Variants in RPL5 observed in about 807,000 individuals in gnomAD.
The protein encoded by RPL5 is ribosomal protein L5, also known as large ribosomal subunit protein uL18.
A neutral mutation model predicts 38.4 loss-of-function variants in RPL5; 1 was observed. The observed-to-expected ratio is 0.03, with a 90% CI of 0.01 to 0.12. The LOEUF is 0.12. Ranked by LOEUF, RPL5 falls within the 10% of genes least tolerant of loss-of-function variation. The pLI is 1.00. For synonymous variants in RPL5, 109 were observed against 121.2 expected (o/e 0.90, Z 0.66); for missense variants, 243 against 374.1 (o/e 0.65, Z 2.89).
In RPL5 at chr1:92,836,373, G is replaced by A; in HGVS notation, c.508G>A (p.Gly170Ser). ...FGALKGAVDGGLSIPHSTKRF... is the reference protein window; with the variant it reads ...FGALKGAVDGSLSIPHSTKRF... ...TGCCCTGAAGGGAGCTGTGGATGGAGGCTTGTCTATCCCTCACAGGTAAGA... is the reference window on the plus strand; with the variant it reads ...TGCCCTGAAGGGAGCTGTGGATGGAAGCTTGTCTATCCCTCACAGGTAAGA... The change falls in exon 5 of 8, where the codon GGC (glycine) becomes AGC (serine). Residue 170 changes from glycine to serine, a missense_variant. Coordinates refer to ENST00000370321, the MANE Select transcript of RPL5 (RefSeq NM_000969.5). 1.2e-6 allele frequency: 2 copies of A among 1,614,068 alleles called. No individual in the cohort carries two copies. The highest frequency in any genetic ancestry group is 1.7e-6 in the Non-Finnish European group (2 of 1,179,924).
intron 1 of RPL5, among the ~76,000 whole-genome samples, chr1:92,832,423 C>T (rs1384109186): frequency 6.6e-6 from 1 of 152,168 alleles, no homozygotes; most frequent in East Asian, 1.9e-4. Flanking sequence ...CGCTGGCAAG[C>T]GGCCGGGCGT....
At chr1:92,839,738 T>G (rs900417145) in intron 6 of RPL5, among the ~76,000 whole-genome samples, 3 of 152,228 alleles carry the variant, frequency 2.0e-5, no homozygotes, top group Non-Finnish European at 4.4e-5. Context: ...GTATTTAAAA[T>G]GAGAAGCGCA....
chr1:92,833,016 A>C, intron 1 of RPL5: 1 of 741,848 alleles, frequency 1.3e-6, no homozygotes, highest in South Asian at 1.4e-5. Flanking sequence ...AAAGTTTGGC[A>C]CAATTACCGG....
intron 3 of RPL5, among the ~76,000 whole-genome samples, chr1:92,834,406 G>T (rs1285754059): frequency 6.6e-6 from 1 of 152,166 alleles, no homozygotes; most frequent in East Asian, 1.9e-4. Flanking sequence ...TTTACAACTA[G>T]GAGAAATTCT....
chr1:92,840,245 AAG>A (rs1305252192), intron 6 of RPL5: 22 of 350,414 alleles, frequency 6.3e-5, no homozygotes, highest in African/African-American at 4.7e-4. Context: ...TCCTGGGCTG[AAG>A]TGATCCTCCC....
chr1:92,832,685 G>C (rs749256883), intron 1 of RPL5: 3 of 363,578 alleles, frequency 8.3e-6, no homozygotes, highest in African/African-American at 6.2e-5. Context: ...CTTTAACATG[G>C]AATACGTGCC....
chr1:92,837,599 C>G lies in RPL5; in HGVS notation c.671C>G (p.Ser224Cys). 6.2e-7 allele frequency: 1 copy of G among 1,612,112 alleles called. No homozygotes were observed. The highest frequency in any genetic ancestry group is 8.5e-7 in the Non-Finnish European group (1 of 1,179,744). Residue 224 changes from serine (S) to cysteine (C), a missense_variant, in exon 6 of 8, where the codon TCT becomes TGT. Physicochemically the swap from Ser to Cys is moderately radical, Grantham distance 112. Coordinates refer to ENST00000370321, the MANE Select transcript of RPL5 (RefSeq NM_000969.5). ...EDEDAYKKQF[S>C]QYIKNSVTPD... ...GAAGATGCTTACAAGAAACAGTTCT[C>G]TCAATACATAAAGAACAGCGTAACT...
At chr1:92,838,437 T>TA (rs572464363) in intron 6 of RPL5, among the ~76,000 whole-genome samples, 2 of 152,392 alleles carry the variant, frequency 1.3e-5, no homozygotes, top group South Asian at 4.1e-4. Context: ...TCCTAACCTA[T>TA]ATCTTTATGT....
In RPL5 at chr1:92,841,783, T is replaced by C. The variant is rs947531404; in HGVS notation, c.812T>C (p.Met271Thr). Residue 271 changes from methionine (M) to threonine (T), a missense_variant, in exon 8 of 8, where the codon ATG (methionine) becomes ACG (threonine). Physicochemically the swap from Met to Thr is moderately conservative, Grantham distance 81. Transcript: ENST00000370321. The part of the protein sequence containing the change: ...VKKKRWNRPK[M>T]SLAQKKDRVA... Reference sequence around the variant, plus strand: ...TTTTGTAGGTGGAACCGTCCCAAAATGTCCCTTGCTCAGAAGAAGGATCGG... The same window carrying C: ...TTTTGTAGGTGGAACCGTCCCAAAACGTCCCTTGCTCAGAAGAAGGATCGG... 1 of 1,611,502 alleles carries C rather than the reference T, an allele frequency of 6.2e-7. No individual in the cohort carries two copies. Among genetic ancestry groups the C allele is most frequent in the South Asian group, 1.1e-5 (1 of 90,948 alleles).
chr1:92,832,947 G>C, intron 1 of RPL5: 3 of 710,198 alleles, frequency 4.2e-6, no homozygotes, highest in Non-Finnish European at 7.7e-6. Context: ...GGGACATAGC[G>C]TGTTCCGAAC....
At position 92,841,797 on chromosome 1, in the gene RPL5, A is replaced by G; in HGVS notation, c.826A>G (p.Lys276Glu). ...CCGTCCCAAAATGTCCCTTGCTCAG[A>G]AGAAGGATCGGGTAGCTCAAAAGAA... ...WNRPKMSLAQ[K>E]KDRVAQKKAS... is the part of the protein sequence containing the mutation. The change falls in exon 8 of 8, where the codon AAG becomes GAG. Residue 276 changes from lysine to glutamate, a missense_variant. Physicochemically the swap from Lys to Glu is moderately conservative, Grantham distance 56 (BLOSUM62 1). Coordinates refer to ENST00000370321, the MANE Select transcript of RPL5 (RefSeq NM_000969.5). 1 of 1,611,728 alleles carries G rather than the reference A, an allele frequency of 6.2e-7. No homozygotes were observed. Among genetic ancestry groups the G allele is most frequent in the Non-Finnish European group, 8.5e-7 (1 of 1,179,720 alleles).
intron 3 of RPL5, 151 bp from the exon 4 acceptor site, chr1:92,834,628 A>C: frequency 1.0e-6 from 1 of 995,560 alleles, no homozygotes; most frequent in South Asian, 1.4e-5. Context: ...AAGCACCTCT[A>C]ATTTACTGGT....
At chr1:92,835,380 C>T (rs1369863133) in intron 4 of RPL5, 2 of 220,120 alleles carry the variant, frequency 9.1e-6, no homozygotes, top group Middle Eastern at 1.9e-3. Context: ...TGGCTAGGCG[C>T]GGTGGCTCAC....
At chr1:92,832,991 G>C in intron 1 of RPL5, 1 of 735,282 alleles carries the variant, frequency 1.4e-6, no homozygotes, top group Non-Finnish European at 2.5e-6. Context: ...TTGCTGTCTG[G>C]AGCAGTGCTT....
Position 92,836,176 on chromosome 1 carries a change from G to A in RPL5, c.325-14G>A, listed in dbSNP as rs766274754. 16 of 1,608,768 alleles carry A rather than the reference G, an allele frequency of 9.9e-6. No individual in the cohort carries two copies. The Admixed American group carries it at 1.8e-4, about 18-fold the overall frequency. ...AATAATTGAAACCAGCATTTACATTGGTTTCTTGAATAGCTTCTCAATAGG... is the reference window on the plus strand; with the variant it reads ...AATAATTGAAACCAGCATTTACATTAGTTTCTTGAATAGCTTCTCAATAGG... On this transcript the variant is annotated splice_polypyrimidine_tract_variant and intron_variant, in intron 4 of 7. Transcript: ENST00000370321.
chr1:92,833,518 C>T, intron 2 of RPL5, 27 bp from the exon 3 acceptor site: 17 of 1,611,560 alleles, frequency 1.1e-5, no homozygotes, highest in Non-Finnish European at 1.3e-5. Flanking sequence ...GTGGAGTATC[C>T]TTTCTACAAT....
rs372984365 is a variant in RPL5, at chr1:92,832,050, C to A, written c.-65C>A. On this transcript the variant is annotated 5_prime_UTR_variant, in exon 1 of 8. Coordinates refer to ENST00000370321, the MANE Select transcript of RPL5 (RefSeq NM_000969.5). ...CGCAAGGGCTGTGGCCCTTTTCCCA[C>A]CCCCTAGCGCCGCTGGGCCTGCAGG... The A allele has an allele frequency of 6.2e-6, 10 of 1,609,302 alleles. No individual in the cohort carries two copies. Among genetic ancestry groups the A allele is most frequent in the African/African-American group, 1.3e-5 (1 of 74,986 alleles).
intron 6 of RPL5, among the ~76,000 whole-genome samples, chr1:92,839,743 A>C (rs1484765173): frequency 6.6e-6 from 1 of 152,208 alleles, no homozygotes; most frequent in Non-Finnish European, 1.5e-5. Flanking sequence ...TAAAATGAGA[A>C]GCGCAATATT....
intron 3 of RPL5, among the ~76,000 whole-genome samples, chr1:92,834,533 G>A (rs547940569): frequency 3.2e-4 from 48 of 152,302 alleles, no homozygotes; most frequent in Non-Finnish European, 6.3e-4. Context: ...ATAACTAAAC[G>A]TTAGGTTCCT....
Sources: gnomAD v4.1 joint callset for allele counts (sites outside exome capture counted in the v4.1 genomes callset) on GRCh38, gnomAD v4.1.1 for gene constraint, MANE v1.5 for transcripts, NCBI Gene and HGNC (gene_info 2026-07-23, HGNC 2026-07-21) for gene names.